Variants in ATR observed in about 807,000 individuals in gnomAD.
ATR encodes the protein ATR checkpoint kinase.
Under a neutral mutation model 305.3 loss-of-function variants are expected in ATR, and 142 were observed. The observed-to-expected ratio is 0.47, with a 90% confidence interval of 0.41 to 0.53. ATR has a LOEUF of 0.53. Ranked by LOEUF, ATR falls within the 20% of genes least tolerant of loss-of-function variation. ATR has a pLI of 0.00. For missense variants in ATR, 2,135 were observed against 3,133.1 expected (o/e 0.68, Z 7.60); for synonymous variants, 1,050 against 1,068.1 (o/e 0.98, Z 0.33).
At chr3:142,535,745 T>C (rs2033833114) in intron 20 of ATR, among the ~76,000 whole-genome samples, 1 of 152,210 alleles carries the variant, frequency 6.6e-6, no homozygotes, top group South Asian at 2.1e-4. Context: ...TCATGGTTTG[T>C]AGCACAACAA....
intron 21 of ATR, among the ~76,000 whole-genome samples, chr3:142,524,794 A>G (rs1349928542): frequency 2.6e-4 from 39 of 152,218 alleles, no homozygotes; most frequent in Admixed American, 2.6e-3. Flanking sequence ...ATGTCAATTC[A>G]AATAGTCTTT....
chr3:142,560,964 A>C (rs947530532), intron 5 of ATR, among the ~76,000 whole-genome samples: 17 of 152,252 alleles, frequency 1.1e-4, no homozygotes, highest in Non-Finnish European at 1.5e-5. Context: ...TGTTTTAAAA[A>C]TTGCTAATAG....
At chr3:142,519,329 T>G (rs2108387947) in intron 24 of ATR, among the ~76,000 whole-genome samples, 1 of 151,774 alleles carries the variant, frequency 6.6e-6, no homozygotes, top group African/African-American at 2.4e-5. Context: ...CCAAACAAAG[T>G]CTCGCTCTGT....
chr3:142,481,777 A>C (rs915859324), intron 36 of ATR, among the ~76,000 whole-genome samples: 3 of 151,512 alleles, frequency 2.0e-5, no homozygotes, highest in Non-Finnish European at 4.4e-5. Flanking sequence ...GGCATTAATC[A>C]CCGTGCCCAG....
Position 142,524,205 on chromosome 3 carries a change from A to T in ATR, c.3946-6T>A. On this transcript the variant is annotated splice_polypyrimidine_tract_variant and splice_region_variant and intron_variant, in intron 21 of 46. Coordinates refer to ENST00000350721, the MANE Select transcript of ATR (RefSeq NM_001184.4). ...GCATACTTTATCAGTTTTTCCTAAA[A>T]TAAAAGTAGAAAGAAAATTTATACG... The T allele has an allele frequency of 6.2e-7, 1 of 1,605,772 alleles. No homozygotes were observed. Among genetic ancestry groups the T allele is most frequent in the Non-Finnish European group, 8.5e-7 (1 of 1,172,936 alleles).
chr3:142,504,152 T>G (rs1032849910), intron 29 of ATR, among the ~76,000 whole-genome samples: 5 of 152,236 alleles, frequency 3.3e-5, no homozygotes, highest in African/African-American at 1.2e-4. Flanking sequence ...TGTAAATTAA[T>G]GATTCTAAAC....
At chr3:142,458,801 A>G (rs1420219904) in intron 44 of ATR, among the ~76,000 whole-genome samples, 157 bp downstream of exon 44, 1 of 152,186 alleles carries the variant, frequency 6.6e-6, no homozygotes, top group Admixed American at 6.5e-5. Flanking sequence ...AATACGCATT[A>G]CTACATGATC....
intron 17 of ATR, 64 bp downstream of exon 17, chr3:142,542,601 A>G (rs113520106): frequency 7.4e-7 from 1 of 1,346,388 alleles, no homozygotes; most frequent in Non-Finnish European, 1.1e-6. Context: ...TTGTAGCTAG[A>G]TGCAGAATTT....
chr3:142,557,759 A>C (rs1180601116), intron 8 of ATR, among the ~76,000 whole-genome samples: 1 of 152,158 alleles, frequency 6.6e-6, no homozygotes, highest in African/African-American at 2.4e-5. Context: ...CAGCCTCCCT[A>C]GTAGCTGGGA....
rs2034678260 is a variant in ATR at position 142,556,498 on chromosome 3, C to T, written c.1963G>A (p.Val655Ile). The change falls in exon 9 of 47, where the codon GTT (valine) becomes ATT (isoleucine). Residue 655 changes from valine to isoleucine, a missense_variant. Physicochemically the swap from Val to Ile is conservative, Grantham distance 29. Around this residue, in one of 9 missense-constraint regions of ATR, gnomAD observed 744 missense variants for 873.2 expected, o/e 0.85. Coordinates refer to ENST00000350721, the MANE Select transcript of ATR (RefSeq NM_001184.4). ...GAGCTCTGCAGGGCCCAGTTGTAAACTGCTGTTCTCCACTCAAGGAATATT... is the reference window on the plus strand; with the variant it reads ...GAGCTCTGCAGGGCCCAGTTGTAAATTGCTGTTCTCCACTCAAGGAATATT... ...RRIFLEWRTA[V>I]YNWALQSSHE... 1 of 1,613,982 alleles carries T rather than the reference C, an allele frequency of 6.2e-7. No individual in the cohort carries two copies. Among genetic ancestry groups the T allele is most frequent in the South Asian group, 1.1e-5 (1 of 91,082 alleles).
intron 25 of ATR, among the ~76,000 whole-genome samples, chr3:142,514,102 T>C (rs549008644): frequency 1.3e-5 from 2 of 151,268 alleles, no homozygotes; most frequent in East Asian, 3.9e-4. Flanking sequence ...ACCCAGTCTC[T>C]ACAAAAAAAA....
chr3:142,573,516 AAAG>A (rs912988695), intron 1 of ATR, among the ~76,000 whole-genome samples: 2 of 140,586 alleles, frequency 1.4e-5, no homozygotes, highest in African/African-American at 6.5e-5. Context: ...TAAAAAAAAA[AAAG>A]AATCAAAGAA....
intron 30 of ATR, 136 bp downstream of exon 30, chr3:142,503,223 ATGT>A: frequency 1.6e-6 from 1 of 615,590 alleles, no homozygotes; most frequent in East Asian, 3.0e-5. Flanking sequence ...GGAAAAAAAA[ATGT>A]TGGTGCTTAT....
intron 36 of ATR, among the ~76,000 whole-genome samples, chr3:142,479,007 G>C (rs1342781593): frequency 6.6e-6 from 1 of 152,148 alleles, no homozygotes; most frequent in East Asian, 1.9e-4. Context: ...TGGGTCTCCT[G>C]AATACAGCAC....
chr3:142,512,404 C>T lies in ATR; in HGVS notation c.4708G>A (p.Ala1570Thr), dbSNP rs887908433. 6.2e-7 allele frequency: 1 copy of T among 1,613,870 alleles called. No individual in the cohort carries two copies. The highest frequency in any genetic ancestry group is 1.7e-5 in the Admixed American group (1 of 60,014). ...GTACTGAGTTGACACAGATCAGATG[C>T]AATGTCTTGGGTATTTATGGTATGC... is the stretch of plus-strand genomic sequence containing the variant. ...DQHTINTQDI[A>T]SDLCQLSTQT... The change falls in exon 27 of 47, where the codon GCA (alanine) becomes ACA (threonine). Residue 1570 changes from alanine to threonine, a missense_variant. By Grantham distance (58) the Ala-to-Thr change is moderately conservative (BLOSUM62 0). Around this residue, in one of 9 missense-constraint regions of ATR, gnomAD observed 202 missense variants for 252.9 expected, o/e 0.80. Coordinates refer to ENST00000350721, the MANE Select transcript of ATR (RefSeq NM_001184.4).
rs2034553144 is a variant in ATR at position 142,553,464 on chromosome 3, A to G, written c.2634-66T>C. 5 of 1,508,490 alleles carry G rather than the reference A, an allele frequency of 3.3e-6. No homozygotes were observed. The Admixed American group carries it at 5.1e-5, about 15-fold the overall frequency. 93.4% of individuals were successfully genotyped at this position (1,508,490 alleles called of 1,614,324 possible). A position where few individuals can be genotyped will look rare whatever the true frequency, so the allele number is the denominator to read the frequency against. On this transcript the variant is annotated intron_variant, in intron 12 of 46. Coordinates refer to ENST00000350721, the MANE Select transcript of ATR (RefSeq NM_001184.4). ...CACACACACACACACACACATACAC[A>G]CACATATGTATCTCCAATATCCCAG...
chr3:142,574,942 A>C (rs553574901), intron 1 of ATR, among the ~76,000 whole-genome samples: 2 of 152,352 alleles, frequency 1.3e-5, no homozygotes, highest in South Asian at 4.1e-4. Flanking sequence ...GATAAGGTTA[A>C]ATTTCAAAGG....
chr3:142,547,528 G>A (rs2034315113), intron 16 of ATR, among the ~76,000 whole-genome samples, 197 bp downstream of exon 16: 1 of 152,206 alleles, frequency 6.6e-6, no homozygotes, highest in Non-Finnish European at 1.5e-5. Context: ...GAAAATAAAC[G>A]TGATCTCGTG....
At chr3:142,564,181 C>A (rs542186738) in intron 3 of ATR, among the ~76,000 whole-genome samples, 1 of 152,244 alleles carries the variant, frequency 6.6e-6, no homozygotes, top group Admixed American at 6.5e-5. Flanking sequence ...ACTTAAGGTA[C>A]AACGTAAACA....
Sources: allele counts gnomAD v4.1 joint callset (sites outside exome capture counted in the v4.1 genomes callset), GRCh38; gene constraint gnomAD v4.1.1; regional missense constraint gnomAD v4.1.1; transcripts MANE v1.5; gene names NCBI Gene and HGNC (gene_info 2026-07-23, HGNC 2026-07-21).